RAPGEF1: variants seen among roughly 807,000 people sequenced by gnomAD.
RAPGEF1 encodes the protein Rap guanine nucleotide exchange factor 1, also known as CRK SH3-binding GNRP.
A neutral mutation model predicts 143.3 loss-of-function variants in RAPGEF1; 33 were observed. The ratio of observed to expected loss-of-function variants is 0.23; its 90% confidence interval spans 0.17 to 0.31. The LOEUF is 0.31. RAPGEF1 is among the 10% of genes least tolerant of loss of function. RAPGEF1 has a pLI of 1.00. For missense variants in RAPGEF1, 1,199 were observed against 1,645.4 expected (o/e 0.73, Z 4.69); for synonymous variants, 629 against 676.5 (o/e 0.93, Z 1.09).
At chr9:131,624,001 T>C (rs1234498181) in intron 10 of RAPGEF1, among the ~76,000 whole-genome samples, 2 of 152,046 alleles carry the variant, frequency 1.3e-5, no homozygotes, top group Admixed American at 6.5e-5. Context: ...GTGCCTAAGT[T>C]TGGGGCTCTT....
At chr9:131,714,956 G>A (rs1235574647) in intron 1 of RAPGEF1, among the ~76,000 whole-genome samples, 1 of 151,952 alleles carries the variant, frequency 6.6e-6, no homozygotes, top group Non-Finnish European at 1.5e-5. Flanking sequence ...GGTGATCCTC[G>A]AGCCTCAGCC....
chr9:131,712,870 G>C (rs1242077807), intron 1 of RAPGEF1, among the ~76,000 whole-genome samples: 3 of 152,090 alleles, frequency 2.0e-5, no homozygotes, highest in Non-Finnish European at 4.4e-5. Flanking sequence ...GGTAGGGGGA[G>C]GGGGAGAGCA....
chr9:131,657,732 G>T (rs1373292282), intron 1 of RAPGEF1, among the ~76,000 whole-genome samples: 1 of 152,226 alleles, frequency 6.6e-6, no homozygotes, highest in Non-Finnish European at 1.5e-5. Flanking sequence ...TGCAGCTCGA[G>T]AAGCGGATGG....
At chr9:131,720,700 C>T (rs909357230) in intron 1 of RAPGEF1, among the ~76,000 whole-genome samples, 2 of 152,124 alleles carry the variant, frequency 1.3e-5, no homozygotes, top group African/African-American at 2.4e-5. Context: ...GTCTTTCTGG[C>T]TGTTTCCTTT....
chr9:131,652,802 T>C (rs1047971348), intron 1 of RAPGEF1, among the ~76,000 whole-genome samples: 4 of 152,168 alleles, frequency 2.6e-5, no homozygotes, highest in African/African-American at 4.8e-5. Context: ...CAAATAATGA[T>C]AAAAAGTAGA....
At chr9:131,636,928 G>A (rs1453026043) in intron 5 of RAPGEF1, among the ~76,000 whole-genome samples, 1 of 152,174 alleles carries the variant, frequency 6.6e-6, no homozygotes, top group Non-Finnish European at 1.5e-5. Flanking sequence ...TTTTTGGAAT[G>A]AAGGGAACAT....
At chr9:131,647,872 C>A (rs541013669) in intron 3 of RAPGEF1, among the ~76,000 whole-genome samples, 5 of 152,310 alleles carry the variant, frequency 3.3e-5, no homozygotes, top group Non-Finnish European at 7.4e-5. Flanking sequence ...GCAGAGAATT[C>A]TTTGTTGTGT....
chr9:131,598,399 C>G (rs1006232232), intron 15 of RAPGEF1, 89 bp from the exon 16 acceptor site: 1 of 1,066,274 alleles, frequency 9.4e-7, no homozygotes, highest in African/African-American at 1.6e-5. Flanking sequence ...GTGCACGGCT[C>G]GAAACCGCTC....
intron 1 of RAPGEF1, among the ~76,000 whole-genome samples, chr9:131,705,654 T>TA (rs1469817947): frequency 6.6e-6 from 1 of 152,152 alleles, no homozygotes; most frequent in Non-Finnish European, 1.5e-5. Context: ...TCCATTAATG[T>TA]AAAAAACATT....
At chr9:131,700,529 G>C (rs1834553113) in intron 1 of RAPGEF1, among the ~76,000 whole-genome samples, 2 of 152,166 alleles carry the variant, frequency 1.3e-5, no homozygotes, top group South Asian at 4.1e-4. Context: ...CCCCGTGCCT[G>C]GAACAGTGGA....
Position 131,708,395 on chromosome 9 carries a change from T to C in RAPGEF1, c.61+31375A>G, listed in dbSNP as rs1473685231. The stretch of plus-strand genomic sequence containing the variant: ...CTGTGATAAAAGGCCGCTGAGTGCG[T>C]CAACAGACTGTCCTGCACTGAGACA... On this transcript the variant is annotated intron_variant, in intron 1 of 26. Transcript: ENST00000683357. 2.0e-5 allele frequency among the ~76,000 whole-genome samples: 3 copies of C among 152,300 alleles called. No individual in the cohort carries two copies. In the East Asian group the frequency reaches 5.8e-4, roughly 29 times the overall value.
At chr9:131,690,445 T>C (rs1055002816) in intron 1 of RAPGEF1, among the ~76,000 whole-genome samples, 2 of 152,194 alleles carry the variant, frequency 1.3e-5, no homozygotes, top group South Asian at 4.1e-4. Flanking sequence ...GGAAATTATT[T>C]ATAATGTCCA....
chr9:131,663,630 G>T (rs550734262), intron 1 of RAPGEF1, among the ~76,000 whole-genome samples: 4 of 152,238 alleles, frequency 2.6e-5, no homozygotes, highest in African/African-American at 9.6e-5. Flanking sequence ...TCCCCCGTAA[G>T]TTGGATCTGC....
At chr9:131,678,727 G>A (rs1832654250) in intron 1 of RAPGEF1, among the ~76,000 whole-genome samples, 1 of 152,214 alleles carries the variant, frequency 6.6e-6, no homozygotes, top group South Asian at 2.1e-4. Context: ...TGTCAGCACT[G>A]CAGGTACTAG....
chr9:131,684,324 C>T (rs574850674), intron 1 of RAPGEF1, among the ~76,000 whole-genome samples: 66 of 152,318 alleles, frequency 4.3e-4, no homozygotes, highest in African/African-American at 1.4e-3. Context: ...CTGTGTTAAA[C>T]ATCACCTTTT....
Position 131,605,205 on chromosome 9 carries a change from G to A in RAPGEF1, c.2062-17C>T, listed in dbSNP as rs1462211996. 1.5e-6 allele frequency: 2 copies of A among 1,291,666 alleles called. No homozygotes were observed. The highest frequency in any genetic ancestry group is 2.5e-5 in the Admixed American group (1 of 39,620). The allele number at this position is 1,291,666 out of a possible 1,614,324, so 80.0% of individuals were successfully genotyped here. On this transcript the variant is annotated splice_polypyrimidine_tract_variant and intron_variant, in intron 12 of 26. Transcript: ENST00000683357. ...AGACTTATACTACAGAATCCAGGTG[G>A]AGAACAAACAAAAACGAGAATACAA...
At chr9:131,612,255 A>G (rs1429302998) in intron 12 of RAPGEF1, among the ~76,000 whole-genome samples, 1 of 151,874 alleles carries the variant, frequency 6.6e-6, no homozygotes, top group East Asian at 1.9e-4. Flanking sequence ...CCCTGACTGA[A>G]CTCCCACATG....
intron 1 of RAPGEF1, chr9:131,709,920 G>C: frequency 1.0e-6 from 1 of 985,382 alleles, no homozygotes; most frequent in East Asian, 1.1e-4. Context: ...GCTTGTTATC[G>C]CCCTACCGGT....
chr9:131,618,968 A>G, intron 12 of RAPGEF1, 83 bp downstream of exon 12: 1 of 1,212,476 alleles, frequency 8.2e-7, no homozygotes, highest in South Asian at 1.3e-5. Flanking sequence ...GACGGGCAGC[A>G]GAACACATGG....
Sources: allele counts gnomAD v4.1 joint callset (sites outside exome capture counted in the v4.1 genomes callset), GRCh38; gene constraint gnomAD v4.1.1; transcripts MANE v1.5; gene names NCBI Gene and HGNC (gene_info 2026-07-23, HGNC 2026-07-21).